Variants in STK33 observed in about 807,000 individuals in gnomAD.
The protein encoded by STK33 is serine/threonine kinase 33, also known as serine/threonine-protein kinase 33.
A neutral mutation model predicts 58.0 loss-of-function variants in STK33; 52 were observed. The observed-to-expected ratio is 0.90, with a 90% CI of 0.72 to 1.13. STK33 has a LOEUF of 1.13. Ranked by LOEUF, STK33 falls within the 50% of genes most tolerant of loss-of-function variation. STK33 has a pLI of 0.00. For missense variants in STK33, 630 were observed against 604.2 expected, an observed-to-expected ratio of 1.04 and a Z score of -0.45; for synonymous variants, 215 against 200.1, an observed-to-expected ratio of 1.07 and a Z score of -0.63.
intron 1 of STK33, among the ~76,000 whole-genome samples, chr11:8,585,826 G>A (rs10840080): frequency 0.46 from 70,227 of 151,652 alleles, 16,425 homozygotes; most frequent in Non-Finnish European, 0.5. Context: ...AGGCCAAGGC[G>A]GGCAGATCAC....
chr11:8,542,985 A>G (rs1278243821), intron 1 of STK33, among the ~76,000 whole-genome samples: 1 of 152,212 alleles, frequency 6.6e-6, no homozygotes, highest in Non-Finnish European at 1.5e-5. Context: ...TGCTGGGACT[A>G]CAGACATGAG....
intron 1 of STK33, among the ~76,000 whole-genome samples, chr11:8,485,304 T>C (rs775218989): frequency 3.9e-4 from 60 of 152,214 alleles, no homozygotes; most frequent in African/African-American, 1.3e-3. Context: ...TCTCTTTTCA[T>C]GTATTAGTGA....
At position 8,447,538 on chromosome 11, in the gene STK33, T is replaced by A. The variant is rs1270979741; in HGVS notation, c.871+5284A>T. Among the ~76,000 whole-genome samples, 16 of 151,976 alleles carry A rather than the reference T, an allele frequency of 1.1e-4. No homozygotes were observed. In the East Asian group the frequency reaches 3.1e-3, roughly 29 times the overall value. On this transcript the variant is annotated intron_variant, in intron 11 of 15. Transcript: ENST00000687296. ...TAAACAGAACCAACGACAAAAACCA[T>A]ATGATTATCTCAATAGATGCAGAAA...
At chr11:8,490,603 C>A (rs539673341) in intron 1 of STK33, among the ~76,000 whole-genome samples, 157 of 152,310 alleles carry the variant, frequency 1.0e-3, no homozygotes, top group African/African-American at 3.6e-3. Context: ...TGAGAACGGA[C>A]AGACTACCTC....
chr11:8,349,199 G>A, the STK33 span, among the ~76,000 whole-genome samples: 1 of 152,162 alleles, frequency 6.6e-6, no homozygotes, highest in African/African-American at 2.4e-5. Context: ...TGTAAACTGG[G>A]GGCAGTAATA....
chr11:8,576,683 A>G (rs1297988971), intron 1 of STK33, among the ~76,000 whole-genome samples: 2 of 152,200 alleles, frequency 1.3e-5, no homozygotes, highest in African/African-American at 4.8e-5. Flanking sequence ...ACTCCATAAG[A>G]TAAGTTCTAC....
intron 1 of STK33, among the ~76,000 whole-genome samples, chr11:8,548,420 A>T (rs1956090368): frequency 6.6e-6 from 1 of 152,134 alleles, no homozygotes; most frequent in South Asian, 2.1e-4. Context: ...TTGGCTGTAA[A>T]TGTATGGATT....
chr11:8,510,895 G>A (rs936302204), intron 1 of STK33, among the ~76,000 whole-genome samples: 3 of 152,016 alleles, frequency 2.0e-5, no homozygotes, highest in Non-Finnish European at 4.4e-5. Flanking sequence ...ATGCTGCTTT[G>A]GTAACTATAG....
intron 15 of STK33, among the ~76,000 whole-genome samples, chr11:8,407,539 C>T (rs967359512): frequency 6.6e-6 from 1 of 151,990 alleles, no homozygotes; most frequent in African/African-American, 2.4e-5. Context: ...TTCAGATTTT[C>T]TATTTTTGTG....
At chr11:8,426,161 A>C (rs1046619684) in intron 14 of STK33, among the ~76,000 whole-genome samples, 1 of 152,102 alleles carries the variant, frequency 6.6e-6, no homozygotes, top group Non-Finnish European at 1.5e-5. Context: ...TATTGAGTGG[A>C]GGTTCTCAGC....
chr11:8,473,355 A>T lies in STK33; in HGVS notation c.226-79T>A. 3 of 843,704 alleles carry T rather than the reference A, an allele frequency of 3.6e-6. No individual in the cohort carries two copies. The South Asian group carries it at 4.6e-5, about 13-fold the overall frequency. 52.3% of individuals were successfully genotyped at this position (843,704 alleles called of 1,614,324 possible). ...GTTGACAAAGAATCCTAATTTAGAT[A>T]ATCTGATAACTCTTTAACGTGTGCC... On this transcript the variant is annotated intron_variant, in intron 5 of 15. Coordinates refer to ENST00000687296, the MANE Select transcript of STK33 (RefSeq NM_001352389.2).
At chr11:8,337,801 T>C in the STK33 span, among the ~76,000 whole-genome samples, 1 of 152,098 alleles carries the variant, frequency 6.6e-6, no homozygotes, top group South Asian at 2.1e-4. Context: ...TTTCAGGGAC[T>C]TCGCATTTGT....
chr11:8,512,453 T>C (rs1952413979), intron 1 of STK33, among the ~76,000 whole-genome samples: 1 of 151,920 alleles, frequency 6.6e-6, no homozygotes, highest in Non-Finnish European at 1.5e-5. Flanking sequence ...TCCAGCAAGG[T>C]AAAAAATGAA....
At chr11:8,362,006 A>T in the STK33 span, among the ~76,000 whole-genome samples, 233 of 152,196 alleles carry the variant, frequency 1.5e-3, no homozygotes, top group Middle Eastern at 0.027. Flanking sequence ...ATTGCCCCAG[A>T]TGTGACATCA....
chr11:8,469,035 G>GAT (rs1360118956), intron 6 of STK33, among the ~76,000 whole-genome samples: 2 of 152,168 alleles, frequency 1.3e-5, no homozygotes, highest in Admixed American at 6.5e-5. Context: ...CCTCCATGTA[G>GAT]ATGACTGATG....
intron 1 of STK33, among the ~76,000 whole-genome samples, chr11:8,489,482 A>C (rs550015336): frequency 1.3e-5 from 2 of 152,316 alleles, no homozygotes; most frequent in East Asian, 3.9e-4. Flanking sequence ...AGAGCATGGC[A>C]CTAGCACCTG....
chr11:8,537,245 G>T (rs1396770082), intron 1 of STK33, among the ~76,000 whole-genome samples: 1 of 151,746 alleles, frequency 6.6e-6, no homozygotes, highest in Non-Finnish European at 1.5e-5. Context: ...CTCCCAAAGT[G>T]CTAGGATTAC....
At chr11:8,574,284 AC>A (rs1398246116) in intron 1 of STK33, among the ~76,000 whole-genome samples, 1 of 152,240 alleles carries the variant, frequency 6.6e-6, no homozygotes, top group East Asian at 1.9e-4. Context: ...ATACTATACT[AC>A]AGTTATGCAA....
the STK33 span, among the ~76,000 whole-genome samples, chr11:8,371,971 G>A: frequency 2.0e-5 from 3 of 151,076 alleles, no homozygotes; most frequent in African/African-American, 7.3e-5. Flanking sequence ...CTGTAGCCTT[G>A]ACTTCTTGGG....
Sources: gnomAD v4.1 joint callset for allele counts (sites outside exome capture counted in the v4.1 genomes callset) on GRCh38, gnomAD v4.1.1 for gene constraint, MANE v1.5 for transcripts, NCBI Gene and HGNC (gene_info 2026-07-23, HGNC 2026-07-21) for gene names.